ERC2: variants seen among roughly 807,000 people sequenced by gnomAD.
ERC2 encodes ELKS/RAB6-interacting/CAST family member 2.
A neutral mutation model predicts 114.8 loss-of-function variants in ERC2; 42 were observed. The ratio of observed to expected loss-of-function variants is 0.37; its 90% CI spans 0.29 to 0.47. The LOEUF (loss-of-function observed/expected upper bound fraction) is 0.47. Among genes scored for constraint, ERC2 ranks in the 20% least tolerant of loss-of-function variants. ERC2 has a pLI of 0.99. For missense variants in ERC2, 939 were observed against 1,150.7 expected (o/e 0.82, Z 2.66); for synonymous variants, 454 against 425.5 (o/e 1.07, Z -0.82).
chr3:56,295,278 A>G (rs1248940502), intron 3 of ERC2, among the ~76,000 whole-genome samples: 1 of 152,228 alleles, frequency 6.6e-6, no homozygotes, highest in Admixed American at 6.5e-5. Context: ...TTTAAGGTCC[A>G]TATCCACCAC....
chr3:56,172,653 C>T (rs1056068594), intron 4 of ERC2, among the ~76,000 whole-genome samples: 3 of 152,146 alleles, frequency 2.0e-5, no homozygotes, highest in Admixed American at 2.0e-4. Context: ...CTTAATGGAA[C>T]ACATTAAATC....
Position 56,334,243 on chromosome 3 carries a change from A to G in ERC2, c.658-37808T>C, listed in dbSNP as rs2057755766. On this transcript the variant is annotated intron_variant, in intron 2 of 17. Transcript: ENST00000288221. ...CCACCTCCTCAGCCAAATCTGCAGT[A>G]GGACTAAAGGAGGCCGACTGGCGGA... Among the ~76,000 whole-genome samples the G allele has an allele frequency of 2.0e-5, 3 of 152,230 alleles. No homozygotes were observed. The South Asian group carries it at 6.2e-4, about 32-fold the overall frequency.
Position 56,404,281 on chromosome 3 carries a change from T to A in ERC2, c.657+30070A>T, listed in dbSNP as rs542276933. ...TAATGATATTAAATTTTTGCAGTCA[T>A]TCTTATCCTTTTCTCATTTTGCTTT... is the stretch of plus-strand genomic sequence containing the variant. On this transcript the variant is annotated intron_variant, in intron 2 of 17. Coordinates refer to ENST00000288221, the MANE Select transcript of ERC2 (RefSeq NM_015576.3). Among the ~76,000 whole-genome samples, 3 of 152,354 alleles carry A rather than the reference T, an allele frequency of 2.0e-5. No individual in the cohort carries two copies. The South Asian group carries it at 6.2e-4, about 32-fold the overall frequency.
At chr3:56,139,446 A>G in intron 6 of ERC2, 63 bp downstream of exon 6, 6 of 1,520,438 alleles carry the variant, frequency 3.9e-6, no homozygotes, top group Non-Finnish European at 5.3e-6. Flanking sequence ...AAAGTTGTTC[A>G]GGTAGGGCAA....
rs560748396 is a variant in ERC2, at chr3:56,358,947, A to G, written c.658-62512T>C. Reference sequence around the variant, plus strand: ...AAAGAATATGCAATTCTGGAAGAAGAGCTGAAAGAGAATGAAAAGCAATAA... The same window carrying G: ...AAAGAATATGCAATTCTGGAAGAAGGGCTGAAAGAGAATGAAAAGCAATAA... On this transcript the variant is annotated intron_variant, in intron 2 of 17. Transcript: ENST00000288221. 5.9e-5 allele frequency among the ~76,000 whole-genome samples: 9 copies of G among 152,388 alleles called. No homozygotes were observed. In the East Asian group the frequency reaches 1.7e-3, roughly 29 times the overall value.
At chr3:55,697,187 T>C (rs1285215107) in intron 16 of ERC2, among the ~76,000 whole-genome samples, 1 of 152,222 alleles carries the variant, frequency 6.6e-6, no homozygotes, top group Non-Finnish European at 1.5e-5. Context: ...ACATAGTGGC[T>C]GCCATGGAAT....
In ERC2 at chr3:56,434,364, T is replaced by C; in HGVS notation, c.644A>G (p.His215Arg). 6.2e-7 allele frequency: 1 copy of C among 1,613,372 alleles called. No individual in the cohort carries two copies. The highest frequency in any genetic ancestry group is 8.5e-7 in the Non-Finnish European group (1 of 1,179,666). Residue 215 changes from histidine (H) to arginine (R), a missense_variant, in exon 2 of 18, where the codon CAT becomes CGT. Physicochemically the swap from His to Arg is conservative, Grantham distance 29. Around this residue, in one of 5 missense-constraint regions of ERC2, gnomAD observed 281 missense variants for 307.4 expected, o/e 0.91. Transcript: ENST00000288221. Reference sequence around the variant, plus strand: ...GTCATGACCTACCTGATTTTCTTCATGGGAAACCCTCATCTGCTCCTTGAG... The same window carrying C: ...GTCATGACCTACCTGATTTTCTTCACGGGAAACCCTCATCTGCTCCTTGAG... ...SVLKEQMRVS[H>R]EENQHLQLTI...
At chr3:56,121,425 C>G (rs758167880) in intron 6 of ERC2, among the ~76,000 whole-genome samples, 1 of 152,096 alleles carries the variant, frequency 6.6e-6, no homozygotes, top group Non-Finnish European at 1.5e-5. Context: ...TTCTCTAAAA[C>G]AAAGATGTAT....
At chr3:55,836,007 T>C (rs1296563229) in intron 14 of ERC2, among the ~76,000 whole-genome samples, 9 of 151,178 alleles carry the variant, frequency 6.0e-5, no homozygotes, top group Admixed American at 2.6e-4. Flanking sequence ...TTCACAATTG[T>C]TTCAAAGAGA....
chr3:56,027,621 C>T (rs187742420), intron 7 of ERC2, among the ~76,000 whole-genome samples: 83 of 152,256 alleles, frequency 5.5e-4, no homozygotes, highest in African/African-American at 1.9e-3. Flanking sequence ...AAGTCTCCTT[C>T]GGTAAAATGT....
At chr3:56,422,569 C>G (rs1332628115) in intron 2 of ERC2, among the ~76,000 whole-genome samples, 1 of 152,168 alleles carries the variant, frequency 6.6e-6, no homozygotes, top group Admixed American at 6.5e-5. Context: ...TGCTCTCTGT[C>G]CTTTCTGTAT....
intron 9 of ERC2, among the ~76,000 whole-genome samples, chr3:56,009,352 G>T (rs942704145): frequency 6.6e-6 from 1 of 152,144 alleles, no homozygotes; most frequent in Non-Finnish European, 1.5e-5. Context: ...AAAGAAATAA[G>T]CTCCTTTCTA....
At chr3:56,348,288 C>A (rs934429533) in intron 2 of ERC2, among the ~76,000 whole-genome samples, 20 of 152,010 alleles carry the variant, frequency 1.3e-4, no homozygotes, top group African/African-American at 3.4e-4. Flanking sequence ...GAAATGTCCA[C>A]CAGGAAAAAA....
chr3:56,064,159 T>C (rs1256122247), intron 7 of ERC2, among the ~76,000 whole-genome samples: 2 of 152,170 alleles, frequency 1.3e-5, no homozygotes, highest in African/African-American at 4.8e-5. Flanking sequence ...AAATGCCCCA[T>C]GTTTGTTTTC....
intron 2 of ERC2, among the ~76,000 whole-genome samples, chr3:56,301,196 T>C (rs1399524330): frequency 6.6e-6 from 1 of 152,228 alleles, no homozygotes; most frequent in Non-Finnish European, 1.5e-5. Context: ...ATTTTTCAGG[T>C]AGTCACACTA....
At chr3:56,444,884 T>C (rs749897822) in intron 1 of ERC2, among the ~76,000 whole-genome samples, 9 of 152,216 alleles carry the variant, frequency 5.9e-5, no homozygotes, top group Non-Finnish European at 8.8e-5. Context: ...TCCAAAATTC[T>C]GTGTCACAGA....
intron 15 of ERC2, among the ~76,000 whole-genome samples, chr3:55,710,091 C>T (rs993870828): frequency 5.3e-5 from 8 of 152,270 alleles, no homozygotes; most frequent in Admixed American, 1.3e-4. Context: ...CTGTGCTGTC[C>T]TCCCTTTCGT....
chr3:55,921,419 T>G lies in ERC2; in HGVS notation c.2403+29006A>C, dbSNP rs188744470. Among the ~76,000 whole-genome samples the G allele has an allele frequency of 1.4e-4, 22 of 152,264 alleles. No homozygotes were observed. The East Asian group carries it at 4.1e-3, about 28-fold the overall frequency. Reference sequence around the variant, plus strand: ...CTCATTCATTTCTTTGAAGGCGGTATTCCCACATGTATCAGTCCTACAGAG... The same window carrying G: ...CTCATTCATTTCTTTGAAGGCGGTAGTCCCACATGTATCAGTCCTACAGAG... On this transcript the variant is annotated intron_variant, in intron 13 of 17. Transcript: ENST00000288221.
intron 13 of ERC2, among the ~76,000 whole-genome samples, chr3:55,904,233 C>A (rs573126287): frequency 1.3e-5 from 2 of 152,090 alleles, no homozygotes; most frequent in East Asian, 3.9e-4. Context: ...CTTTAAAGTT[C>A]CAAAATGGAT....
Sources: gnomAD v4.1 joint callset for allele counts (sites outside exome capture counted in the v4.1 genomes callset) on GRCh38, gnomAD v4.1.1 for gene constraint, gnomAD v4.1.1 regional missense constraint, MANE v1.5 for transcripts, NCBI Gene and HGNC (gene_info 2026-07-23, HGNC 2026-07-21) for gene names.